ARHGEF26: variants seen among roughly 807,000 people sequenced by gnomAD.
The protein encoded by ARHGEF26 is Rho guanine nucleotide exchange factor 26.
Under a neutral mutation model 89.4 loss-of-function variants are expected in ARHGEF26, and 59 were observed. The ratio of observed to expected loss-of-function variants is 0.66; its 90% confidence interval spans 0.54 to 0.82. The LOEUF (loss-of-function observed/expected upper bound fraction) is 0.82. Ranked by LOEUF, ARHGEF26 falls within the 40% of genes least tolerant of loss-of-function variation. The probability of loss-of-function intolerance (pLI) is 0.00; values close to 1 mark genes in which losing one functional copy is unlikely to be tolerated. For synonymous variants in ARHGEF26, 500 were observed against 428.4 expected (o/e 1.17, Z -2.06); for missense variants, 1,234 against 1,085.6 (o/e 1.14, Z -1.92).
At chr3:154,149,277 A>T in intron 4 of ARHGEF26, 112 bp from the exon 5 acceptor site, 1 of 651,296 alleles carries the variant, frequency 1.5e-6, no homozygotes, top group Non-Finnish European at 2.5e-6. Flanking sequence ...AACATTTTGT[A>T]TAGTTTCTCC....
chr3:154,179,922 T>A (rs2108159113), intron 6 of ARHGEF26, among the ~76,000 whole-genome samples: 1 of 152,326 alleles, frequency 6.6e-6, no homozygotes, highest in African/African-American at 2.4e-5. Flanking sequence ...AGGTGGGAAG[T>A]CTGAAATCAA....
At chr3:154,150,058 TTGTGTGTGTG>T (rs10616486) in intron 5 of ARHGEF26, among the ~76,000 whole-genome samples, 1 of 147,732 alleles carries the variant, frequency 6.8e-6, no homozygotes, top group African/African-American at 2.5e-5. Context: ...CTGCATATTA[TTGTGTGTGTG>T]TGTGTGTGTG....
chr3:154,202,807 A>C (rs1337262182), intron 9 of ARHGEF26, among the ~76,000 whole-genome samples: 2 of 98,860 alleles, frequency 2.0e-5, no homozygotes, highest in African/African-American at 4.0e-5. Flanking sequence ...TCTGTCTGTT[A>C]TTGGTGTATA....
At chr3:154,144,671 G>T (rs942488241) in intron 4 of ARHGEF26, among the ~76,000 whole-genome samples, 1 of 152,216 alleles carries the variant, frequency 6.6e-6, no homozygotes, top group Non-Finnish European at 1.5e-5. Context: ...AGATGGTGAT[G>T]CAGGGCATAG....
intron 9 of ARHGEF26, among the ~76,000 whole-genome samples, chr3:154,200,305 A>G (rs924948542): frequency 6.6e-6 from 1 of 152,152 alleles, no homozygotes; most frequent in Non-Finnish European, 1.5e-5. Flanking sequence ...AGCACCATTT[A>G]TTAAAGAGAC....
chr3:154,191,219 A>G (rs1713933718), intron 7 of ARHGEF26, 70 bp from the exon 8 acceptor site: 1 of 1,483,104 alleles, frequency 6.7e-7, no homozygotes, highest in South Asian at 1.3e-5. Context: ...ATTTTGTAAT[A>G]CATTTTTACT....
At chr3:154,224,240 A>AAAT (rs1716325467) in intron 10 of ARHGEF26, among the ~76,000 whole-genome samples, 1 of 152,164 alleles carries the variant, frequency 6.6e-6, no homozygotes, top group African/African-American at 2.4e-5. Context: ...GTCTTCTAAC[A>AAAT]ATAAATCTGA....
At chr3:154,196,233 A>G (rs1285311105) in intron 9 of ARHGEF26, among the ~76,000 whole-genome samples, 2 of 152,144 alleles carry the variant, frequency 1.3e-5, no homozygotes, top group African/African-American at 4.8e-5. Flanking sequence ...TGTAGCTGAA[A>G]GGGAAGTGAG....
chr3:154,185,078 C>CG (rs1559884252), intron 6 of ARHGEF26, among the ~76,000 whole-genome samples: 1 of 152,142 alleles, frequency 6.6e-6, no homozygotes, highest in African/African-American at 2.4e-5. Flanking sequence ...GTGTTTACCA[C>CG]AAGAGTGGTC....
At chr3:154,165,405 AC>A (rs958276874) in intron 6 of ARHGEF26, among the ~76,000 whole-genome samples, 4 of 152,164 alleles carry the variant, frequency 2.6e-5, no homozygotes, top group Non-Finnish European at 4.4e-5. Flanking sequence ...CTTATGGAGT[AC>A]CTTTTCCAAC....
At chr3:154,226,727 T>G (rs1280874561) in intron 11 of ARHGEF26, among the ~76,000 whole-genome samples, 1 of 150,798 alleles carries the variant, frequency 6.6e-6, no homozygotes, top group Non-Finnish European at 1.5e-5. Flanking sequence ...CTAGGGAACA[T>G]ACTTTATTAA....
chr3:154,142,673 A>G (rs1012555885), intron 4 of ARHGEF26, among the ~76,000 whole-genome samples: 5 of 152,236 alleles, frequency 3.3e-5, no homozygotes, highest in African/African-American at 9.6e-5. Flanking sequence ...TAAAATAGCA[A>G]CTAATATATT....
chr3:154,161,149 C>G (rs1711640851), intron 6 of ARHGEF26, among the ~76,000 whole-genome samples: 2 of 150,872 alleles, frequency 1.3e-5, no homozygotes, highest in South Asian at 4.2e-4. Context: ...TGTGTGTACA[C>G]TTTGTCCCTT....
chr3:154,254,230 TGAG>T (rs1718338168), intron 13 of ARHGEF26, among the ~76,000 whole-genome samples: 1 of 152,238 alleles, frequency 6.6e-6, no homozygotes, highest in Non-Finnish European at 1.5e-5. Context: ...TCAGCATTTC[TGAG>T]GAGGTCTAAC....
chr3:154,204,590 A>G (rs1714896165), intron 9 of ARHGEF26, among the ~76,000 whole-genome samples: 1 of 152,046 alleles, frequency 6.6e-6, no homozygotes, highest in Non-Finnish European at 1.5e-5. Context: ...TCGGCCTACC[A>G]AAGTGCTGGG....
At position 154,194,625 on chromosome 3, in the gene ARHGEF26, C is replaced by T; in HGVS notation, c.1771-19C>T. ...ATAAAATAGATCAATAAATTTTGTT[C>T]ACTTTTATTTCATTACAGACTATCT... On this transcript the variant is annotated intron_variant, in intron 8 of 14. Coordinates refer to ENST00000465093, the MANE Select transcript of ARHGEF26 (RefSeq NM_015595.4). The T allele has an allele frequency of 6.3e-7, 1 of 1,576,308 alleles. No homozygotes were observed. Among genetic ancestry groups the T allele is most frequent in the Non-Finnish European group, 8.7e-7 (1 of 1,153,712 alleles).
At chr3:154,226,660 T>TACACACACACACACACACACAC (rs3029724) in intron 11 of ARHGEF26, among the ~76,000 whole-genome samples, 25 of 148,160 alleles carry the variant, frequency 1.7e-4, no homozygotes, top group South Asian at 6.6e-4. Flanking sequence ...GTTTCTGTTC[T>TACACACACACACACACACACAC]ACACACACAC....
intron 11 of ARHGEF26, among the ~76,000 whole-genome samples, chr3:154,230,415 A>G (rs763324955): frequency 1.3e-5 from 2 of 152,022 alleles, no homozygotes; most frequent in Non-Finnish European, 2.9e-5. Context: ...TTACTTCTTC[A>G]TTTTATTTTT....
intron 5 of ARHGEF26, among the ~76,000 whole-genome samples, chr3:154,149,789 C>T (rs893661770): frequency 2.0e-5 from 3 of 152,034 alleles, no homozygotes; most frequent in Admixed American, 2.0e-4. Flanking sequence ...TCACGTTAGT[C>T]TGTAGACAAA....
Sources: allele counts gnomAD v4.1 joint callset (sites outside exome capture counted in the v4.1 genomes callset), GRCh38; gene constraint gnomAD v4.1.1; transcripts MANE v1.5; gene names NCBI Gene and HGNC (gene_info 2026-07-23, HGNC 2026-07-21).